Variants in ZFP64 observed in about 807,000 individuals in gnomAD.
ZFP64 encodes the protein zinc finger protein 64.
Under a neutral mutation model 51.6 loss-of-function variants are expected in ZFP64, and 14 were observed. That is an observed-to-expected ratio of 0.27 (90% CI 0.18 to 0.42). The LOEUF (loss-of-function observed/expected upper bound fraction) is 0.42, where lower values mean the gene tolerates loss of function less well. Among genes scored for constraint, ZFP64 ranks in the 10% least tolerant of loss-of-function variants. The pLI is 1.00. For missense variants in ZFP64, 754 were observed against 906.8 expected (o/e 0.83, Z 2.16); for synonymous variants, 375 against 361.4 (o/e 1.04, Z -0.43).
chr20:52,184,571 C>G (rs768043078), intron 2 of ZFP64, among the ~76,000 whole-genome samples: 5 of 152,184 alleles, frequency 3.3e-5, no homozygotes, highest in Admixed American at 6.5e-5. Context: ...TCCTCCTTTC[C>G]AAAGCTAAGT....
chr20:52,104,147 A>T (rs962804511), intron 5 of ZFP64, among the ~76,000 whole-genome samples: 1 of 152,228 alleles, frequency 6.6e-6, no homozygotes, highest in African/African-American at 2.4e-5. Context: ...GAAAGTAGGA[A>T]CCTACAATCT....
intron 5 of ZFP64, among the ~76,000 whole-genome samples, chr20:52,141,607 T>C (rs1980258181): frequency 6.6e-6 from 1 of 152,232 alleles, no homozygotes; most frequent in Admixed American, 6.5e-5. Flanking sequence ...GCTGAATTGC[T>C]GCAATCTTAT....
downstream of ZFP64, among the ~76,000 whole-genome samples, chr20:52,148,273 T>C (rs950317669): frequency 2.0e-5 from 3 of 152,184 alleles, no homozygotes; most frequent in Non-Finnish European, 4.4e-5. Flanking sequence ...AGATCTATAA[T>C]CTTCCAGAAT....
intron 5 of ZFP64, among the ~76,000 whole-genome samples, chr20:52,144,414 C>G (rs1387059113): frequency 6.8e-6 from 1 of 148,044 alleles, no homozygotes; most frequent in Non-Finnish European, 1.5e-5. Context: ...CCCGTCTCTA[C>G]AAAATATACA....
chr20:52,109,792 A>G (rs1354811499), intron 5 of ZFP64, among the ~76,000 whole-genome samples: 8 of 151,276 alleles, frequency 5.3e-5, no homozygotes, highest in African/African-American at 1.5e-4. Flanking sequence ...AAAAAAAAAA[A>G]AAAAAAAAAA....
At chr20:52,105,858 G>C (rs1041911570) in intron 5 of ZFP64, among the ~76,000 whole-genome samples, 2 of 151,968 alleles carry the variant, frequency 1.3e-5, no homozygotes, top group African/African-American at 4.8e-5. Flanking sequence ...TTTTAAAAAA[G>C]CCGTCTCCCT....
intron 2 of ZFP64, among the ~76,000 whole-genome samples, chr20:52,169,810 T>TTGGGTGCCTCG (rs1982569400): frequency 6.6e-6 from 1 of 152,236 alleles, no homozygotes; most frequent in Admixed American, 6.5e-5. Context: ...CACCAGCACT[T>TTGGGTGCCTCG]TGGGAGCCCG....
Position 52,117,480 on chromosome 20 carries a change from A to G in ZFP64, c.764-18893T>C, listed in dbSNP as rs976967710. Among the ~76,000 whole-genome samples the G allele has an allele frequency of 9.2e-5, 14 of 152,178 alleles. No individual in the cohort carries two copies. The East Asian group carries it at 2.3e-3, about 25-fold the overall frequency. On this transcript the variant is annotated intron_variant, in intron 5 of 8. Coordinates refer to the ZFP64 transcript ENST00000361387. ...CTAAAAACTAAAAAATCAGCTAGGC[A>G]TGGTGGTGGGCACCTGTAATCCCAG...
At chr20:52,141,532 A>G (rs991080922) in intron 5 of ZFP64, among the ~76,000 whole-genome samples, 1 of 152,138 alleles carries the variant, frequency 6.6e-6, no homozygotes, top group Non-Finnish European at 1.5e-5. Context: ...TCAGTGGAGG[A>G]AGTAACTGCA....
At chr20:52,155,523 CT>C (rs1386644116) in intron 5 of ZFP64, among the ~76,000 whole-genome samples, 2 of 152,076 alleles carry the variant, frequency 1.3e-5, no homozygotes, top group Non-Finnish European at 2.9e-5. Flanking sequence ...TCTTTTTTCA[CT>C]TTTTTTAAGC....
chr20:52,108,053 C>T (rs868833703), intron 5 of ZFP64, among the ~76,000 whole-genome samples: 1 of 152,176 alleles, frequency 6.6e-6, no homozygotes, highest in South Asian at 2.1e-4. Context: ...TGGCAAAACT[C>T]TGTTTCTACA....
chr20:52,136,112 A>G (rs1375781844), intron 5 of ZFP64, among the ~76,000 whole-genome samples: 2 of 150,158 alleles, frequency 1.3e-5, no homozygotes, highest in South Asian at 2.1e-4. Context: ...AAAAAAAAAA[A>G]AAAAAAAAGA....
intron 5 of ZFP64, among the ~76,000 whole-genome samples, chr20:52,098,800 G>A (rs151060815): frequency 0.011 from 1,656 of 151,962 alleles, 35 homozygotes; most frequent in African/African-American, 0.038. Flanking sequence ...TCAGGAGTTC[G>A]AGACCAGCCT....
At chr20:52,169,573 A>C (rs537699092) in intron 2 of ZFP64, among the ~76,000 whole-genome samples, 1 of 152,238 alleles carries the variant, frequency 6.6e-6, no homozygotes, top group East Asian at 1.9e-4. Context: ...CTCTCTCCAG[A>C]GATTGGCTGG....
chr20:52,173,106 T>C (rs533922128), intron 2 of ZFP64, among the ~76,000 whole-genome samples: 4 of 152,336 alleles, frequency 2.6e-5, no homozygotes, highest in South Asian at 2.1e-4. Context: ...TTCTACCAAA[T>C]TGCCTTTCAG....
intron 5 of ZFP64, among the ~76,000 whole-genome samples, chr20:52,119,830 C>T (rs1979090255): frequency 1.3e-5 from 2 of 151,982 alleles, no homozygotes; most frequent in Non-Finnish European, 2.9e-5. Flanking sequence ...CTTAGTCTGA[C>T]TAGAGGTGCA....
chr20:52,153,736 T>C lies in ZFP64; in HGVS notation c.764-308A>G, dbSNP rs1981078350. Among the ~76,000 whole-genome samples, 3 of 152,244 alleles carry C rather than the reference T, an allele frequency of 2.0e-5. No homozygotes were observed. The South Asian group carries it at 6.2e-4, about 31-fold the overall frequency. ...TATATTCTTTAAAACACTCAAACTA[T>C]CTTTCATACAGTTAATTTGCCCACT... is the stretch of plus-strand genomic sequence containing the variant. On this transcript the variant is annotated intron_variant, in intron 5 of 5. Coordinates refer to ENST00000216923, the MANE Select transcript of ZFP64 (RefSeq NM_018197.3). This position sits in a 1 kb window ranked among gnomAD's most constrained non-coding sequence, Gnocchi z 5.1.
chr20:52,180,547 C>CAAAAAAAAAA (rs10669415), intron 2 of ZFP64, among the ~76,000 whole-genome samples: 33 of 87,162 alleles, frequency 3.8e-4, no homozygotes, highest in Non-Finnish European at 4.7e-4. Flanking sequence ...CCAGAAATGG[C>CAAAAAAAAAA]AAAAAAAAAA....
chr20:52,134,748 T>C (rs974511549), intron 5 of ZFP64, among the ~76,000 whole-genome samples: 1 of 152,104 alleles, frequency 6.6e-6, no homozygotes, highest in African/African-American at 2.4e-5. Context: ...TAAACAGAAT[T>C]CTCCATTCCA....
Sources: gnomAD v4.1 joint callset for allele counts (sites outside exome capture counted in the v4.1 genomes callset) on GRCh38, gnomAD v4.1.1 for gene constraint, Gnocchi (gnomAD v3.1) non-coding constraint, MANE v1.5 for transcripts, NCBI Gene and HGNC (gene_info 2026-07-23, HGNC 2026-07-21) for gene names.